The following SOX6 variants were observed in gnomAD, a reference collection of about 807,000 sequenced individuals.
The protein encoded by SOX6 is SRY-box transcription factor 6, also known as transcription factor SOX-6.
In SOX6, 11 loss-of-function variants were observed where a neutral mutation model predicts 97.8. The observed-to-expected ratio is 0.11, with a 90% CI of 0.07 to 0.19. The LOEUF is 0.19. Ranked by LOEUF, SOX6 falls within the 10% of genes least tolerant of loss-of-function variation. The pLI is 1.00. For synonymous variants in SOX6, 360 were observed against 371.4 expected, an observed-to-expected ratio of 0.97 and a Z score of 0.35; for missense variants, 810 against 1,039.5, an observed-to-expected ratio of 0.78 and a Z score of 3.04.
At chr11:16,004,417 C>T (rs1352295914) in intron 13 of SOX6, among the ~76,000 whole-genome samples, 2 of 151,954 alleles carry the variant, frequency 1.3e-5, no homozygotes, top group Non-Finnish European at 2.9e-5. Flanking sequence ...ATTTAACTGG[C>T]CTCTCTTCAT....
chr11:16,603,580 A>G (rs760591626), intron 4 of SOX6, among the ~76,000 whole-genome samples: 5 of 152,086 alleles, frequency 3.3e-5, no homozygotes, highest in Non-Finnish European at 7.4e-5. Context: ...TAGAAGCATG[A>G]AGTCCCTACC....
chr11:15,974,998 C>T (rs1331408836), intron 15 of SOX6, among the ~76,000 whole-genome samples: 3 of 152,176 alleles, frequency 2.0e-5, no homozygotes, highest in African/African-American at 7.2e-5. Context: ...TCCCATCACT[C>T]TTTCCTTTAT....
intron 4 of SOX6, among the ~76,000 whole-genome samples, chr11:16,228,537 A>C (rs1368740307): frequency 2.0e-5 from 3 of 152,136 alleles, no homozygotes; most frequent in African/African-American, 7.2e-5. Context: ...GATGTAGGTC[A>C]AAGGGTACAA....
chr11:16,120,889 G>C (rs75849718), intron 6 of SOX6, among the ~76,000 whole-genome samples: 344 of 152,142 alleles, frequency 2.3e-3, no homozygotes, highest in Non-Finnish European at 4.0e-3. Flanking sequence ...CATAGTTACA[G>C]AGGAAAGAAA....
chr11:16,639,694 A>G (rs1429787407), intron 3 of SOX6, among the ~76,000 whole-genome samples: 1 of 152,108 alleles, frequency 6.6e-6, no homozygotes, highest in Non-Finnish European at 1.5e-5. Context: ...ATGGGTGTTC[A>G]CTCATGATTT....
chr11:16,486,598 C>G (rs890532466), intron 4 of SOX6, among the ~76,000 whole-genome samples: 2 of 152,128 alleles, frequency 1.3e-5, no homozygotes, highest in Admixed American at 1.3e-4. Flanking sequence ...CGGTGGCTCA[C>G]GCCTGTAATC....
intron 12 of SOX6, among the ~76,000 whole-genome samples, chr11:16,038,768 C>G (rs1011896400): frequency 7.2e-5 from 11 of 151,948 alleles, no homozygotes; most frequent in Non-Finnish European, 1.6e-4. Flanking sequence ...GTGCTGCAAA[C>G]AAGTATTCAA....
At chr11:16,650,390 C>T (rs1410347805) in intron 3 of SOX6, among the ~76,000 whole-genome samples, 3 of 151,964 alleles carry the variant, frequency 2.0e-5, no homozygotes, top group Non-Finnish European at 2.9e-5. Context: ...ACAAAAGTCT[C>T]AGTAAATTTA....
chr11:16,571,902 T>A (rs1164367855), intron 4 of SOX6, among the ~76,000 whole-genome samples: 2 of 152,182 alleles, frequency 1.3e-5, no homozygotes, highest in African/African-American at 4.8e-5. Flanking sequence ...ACCCACCCAC[T>A]TTGGCCTCCC....
At chr11:16,284,722 A>C (rs548143753) in intron 3 of SOX6, among the ~76,000 whole-genome samples, 3 of 152,228 alleles carry the variant, frequency 2.0e-5, no homozygotes, top group South Asian at 2.1e-4. Context: ...GTGTGGGTGC[A>C]ATAGAAACCC....
chr11:16,707,618 A>G (rs1362519310), intron 3 of SOX6, among the ~76,000 whole-genome samples: 1 of 152,208 alleles, frequency 6.6e-6, no homozygotes, highest in African/African-American at 2.4e-5. Flanking sequence ...ATGTGAATTC[A>G]CTTCTGTATT....
At chr11:16,484,971 GT>G (rs917902184) in intron 4 of SOX6, among the ~76,000 whole-genome samples, 5 of 152,044 alleles carry the variant, frequency 3.3e-5, no homozygotes, top group African/African-American at 1.2e-4. Flanking sequence ...TTTTTAAAAT[GT>G]ATACTATTCA....
upstream of SOX6, among the ~76,000 whole-genome samples, chr11:16,359,664 C>T (rs1173703461): frequency 6.6e-6 from 1 of 152,046 alleles, no homozygotes; most frequent in South Asian, 2.1e-4. Context: ...TAAGTCTCTA[C>T]AAATGCCACT....
At chr11:16,253,094 T>A (rs1028643461) in intron 3 of SOX6, among the ~76,000 whole-genome samples, 2 of 152,128 alleles carry the variant, frequency 1.3e-5, no homozygotes, top group Non-Finnish European at 2.9e-5. Flanking sequence ...ACACCTGTAA[T>A]CCCAGCACTT....
At chr11:16,536,174 G>A (rs1461709855) in intron 4 of SOX6, among the ~76,000 whole-genome samples, 1 of 152,148 alleles carries the variant, frequency 6.6e-6, no homozygotes, top group Non-Finnish European at 1.5e-5. Flanking sequence ...AAAAACAGAA[G>A]CTAGTAATAA....
chr11:16,401,375 T>C (rs1858554213), intron 1 of SOX6, among the ~76,000 whole-genome samples: 1 of 151,388 alleles, frequency 6.6e-6, no homozygotes, highest in Non-Finnish European at 1.5e-5. Context: ...CGTTAATAGT[T>C]ACCAAAAAAA....
chr11:16,091,036 C>T (rs1379662645), intron 9 of SOX6, among the ~76,000 whole-genome samples: 1 of 151,992 alleles, frequency 6.6e-6, no homozygotes, highest in Non-Finnish European at 1.5e-5. Context: ...CAGTGCAAGA[C>T]AACAGAGCAA....
At chr11:16,361,570 T>C (rs1382108317) in intron 1 of SOX6, among the ~76,000 whole-genome samples, 1 of 152,136 alleles carries the variant, frequency 6.6e-6, no homozygotes, top group Non-Finnish European at 1.5e-5. Flanking sequence ...CATGCCAACT[T>C]CCACTCAATA....
intron 1 of SOX6, among the ~76,000 whole-genome samples, chr11:16,463,380 G>A (rs1044832313): frequency 1.3e-5 from 2 of 152,162 alleles, no homozygotes; most frequent in African/African-American, 4.8e-5. Flanking sequence ...AGAGCTTTTA[G>A]ACTAGTGTAG....
Sources: gnomAD v4.1 joint callset for allele counts (sites outside exome capture counted in the v4.1 genomes callset) on GRCh38, gnomAD v4.1.1 for gene constraint, MANE v1.5 for transcripts, NCBI Gene and HGNC (gene_info 2026-07-23, HGNC 2026-07-21) for gene names.